TBC1D12: variants seen among roughly 807,000 people sequenced by gnomAD.
TBC1D12 encodes the protein TBC1 domain family member 12.
A neutral mutation model predicts 86.7 loss-of-function variants in TBC1D12; 56 were observed. That is an observed-to-expected ratio of 0.65 (90% CI 0.52 to 0.81). TBC1D12 has a LOEUF of 0.81. Among genes scored for constraint, TBC1D12 ranks in the 30% least tolerant of loss-of-function variants. The pLI, the probability that TBC1D12 is intolerant of heterozygous loss-of-function variation, is 0.00. For synonymous variants in TBC1D12, 421 were observed against 411.7 expected, an observed-to-expected ratio of 1.02 and a Z score of -0.27; for missense variants, 1,023 against 1,038.8, an observed-to-expected ratio of 0.98 and a Z score of 0.21.
intron 6 of TBC1D12, among the ~76,000 whole-genome samples, chr10:94,500,662 C>T (rs1471290142): frequency 1.3e-5 from 2 of 152,076 alleles, no homozygotes; most frequent in African/African-American, 4.8e-5. Flanking sequence ...TATGAAAAGG[C>T]TTCACTTTTA....
intron 4 of TBC1D12, among the ~76,000 whole-genome samples, chr10:94,494,937 C>T (rs543661774): frequency 5.3e-5 from 8 of 152,180 alleles, no homozygotes; most frequent in African/African-American, 1.9e-4. Flanking sequence ...TTATAGCTCA[C>T]TGCAGCCTCG....
Position 94,487,384 on chromosome 10 carries a change from C to G in TBC1D12, c.1212-5981C>G, listed in dbSNP as rs566471015. ...TGTTTTCTGTTTGTTATGTGGTCTT[C>G]TCTTCTTTCGTTCCTTCCAGTCTTT... On this transcript the variant is annotated intron_variant, in intron 3 of 12. Transcript: ENST00000225235. Among the ~76,000 whole-genome samples the G allele has an allele frequency of 5.5e-4, 82 of 150,330 alleles. No homozygotes were observed. The South Asian group carries it at 9.0e-3, about 17-fold the overall frequency.
Position 94,403,338 on chromosome 10 carries a change from G to A in TBC1D12, c.725G>A (p.Gly242Asp). ...GAGCAGCGGGGAGTCGGCGCCGGGG[G>A]TCCCGAGGAGGGCGCGCCCCCTGCC... is the stretch of plus-strand genomic sequence containing the variant. ...DSEQRGVGAG[G>D]PEEGAPPATS... is the part of the protein sequence containing the mutation. The change falls in exon 1 of 13, where the codon GGT (glycine) becomes GAT (aspartate). Residue 242 changes from glycine to aspartate, a missense_variant. Coordinates refer to ENST00000225235, the MANE Select transcript of TBC1D12 (RefSeq NM_015188.2). 2 of 1,522,066 alleles carry A rather than the reference G, an allele frequency of 1.3e-6. No homozygotes were observed. Among genetic ancestry groups the A allele is most frequent in the African/African-American group, 1.4e-5 (1 of 69,654 alleles). The allele number at this position is 1,522,066 out of a possible 1,614,324, so 94.3% of individuals were successfully genotyped here.
chr10:94,511,738 C>T, intron 9 of TBC1D12, 84 bp downstream of exon 9: 1 of 919,916 alleles, frequency 1.1e-6, no homozygotes, highest in Non-Finnish European at 1.7e-6. Context: ...GTATTAGCTC[C>T]CAAATGTCTG....
chr10:94,456,670 T>A (rs1019855020), intron 2 of TBC1D12, among the ~76,000 whole-genome samples: 15 of 152,246 alleles, frequency 9.9e-5, no homozygotes, highest in Non-Finnish European at 2.2e-4. Flanking sequence ...AGTCTACAGA[T>A]GTCAATTACA....
Position 94,536,311 on chromosome 10 carries a change from C to CT in TBC1D12, c.*3216dup, listed in dbSNP as rs1314245758. Among the ~76,000 whole-genome samples the CT allele has an allele frequency of 6.6e-6, 1 of 151,904 alleles. No individual in the cohort carries two copies. The highest frequency in any genetic ancestry group is 2.4e-5 in the African/African-American group (1 of 41,350). On this transcript the variant is annotated 3_prime_UTR_variant, in exon 13 of 13. Coordinates refer to ENST00000225235, the MANE Select transcript of TBC1D12 (RefSeq NM_015188.2). ...TACTTAATGTTCCTTTAGTCCAGGT[C>CT]TACAATGCCTTATTTAAATGCTGTT...
intron 1 of TBC1D12, among the ~76,000 whole-genome samples, chr10:94,413,282 G>A (rs2054951415): frequency 1.3e-5 from 2 of 151,974 alleles, no homozygotes; most frequent in Admixed American, 1.3e-4. Flanking sequence ...TTTATTAATG[G>A]GAAAAATCTT....
chr10:94,487,258 TA>T (rs1554944666), intron 3 of TBC1D12, among the ~76,000 whole-genome samples: 32 of 150,408 alleles, frequency 2.1e-4, no homozygotes, highest in African/African-American at 7.9e-4. Flanking sequence ...TTTTTTTTTT[TA>T]AATCTATTCA....
intron 9 of TBC1D12, 100 bp from the exon 10 acceptor site, chr10:94,521,855 A>T: frequency 9.2e-7 from 1 of 1,091,870 alleles, no homozygotes. Flanking sequence ...GGTTAATTCT[A>T]CTTTGTAATG....
chr10:94,403,488 C>A lies in TBC1D12; in HGVS notation c.875C>A (p.Ala292Glu). 6.5e-7 allele frequency: 1 copy of A among 1,541,510 alleles called. No homozygotes were observed. Among genetic ancestry groups the A allele is most frequent in the Non-Finnish European group, 8.7e-7 (1 of 1,144,914 alleles). Reference protein sequence around the residue: ...GQSARDHLPPAGPPVPLPAAE... With the variant: ...GQSARDHLPPEGPPVPLPAAE... The stretch of plus-strand genomic sequence containing the variant: ...AGCGCCCGCGATCACCTGCCCCCGG[C>A]GGGGCCGCCGGTGCCCTTGCCCGCC... Residue 292 changes from alanine (A) to glutamate (E), a missense_variant, in exon 1 of 13, where the codon GCG becomes GAG. Physicochemically the swap from Ala to Glu is moderately radical, Grantham distance 107. Transcript: ENST00000225235.
rs1024186683 is a variant in TBC1D12, at chr10:94,420,007, G to A, written c.971+16423G>A. 1.9e-4 allele frequency among the ~76,000 whole-genome samples: 29 copies of A among 152,162 alleles called. 2 individuals carry two copies. The East Asian group carries it at 4.4e-3, about 23-fold the overall frequency. ...TATAAATCTGTTAAATTTTTTTATC[G>A]CAGTGGAATATATTGCTGTGGACCG... On this transcript the variant is annotated intron_variant, in intron 1 of 12. Coordinates refer to ENST00000225235, the MANE Select transcript of TBC1D12 (RefSeq NM_015188.2).
chr10:94,464,266 C>A (rs971796160), intron 2 of TBC1D12, among the ~76,000 whole-genome samples: 1 of 152,032 alleles, frequency 6.6e-6, no homozygotes, highest in Non-Finnish European at 1.5e-5. Context: ...TTTAAATTTA[C>A]CATCTTGCTA....
At chr10:94,510,927 T>G (rs987151586) in intron 8 of TBC1D12, among the ~76,000 whole-genome samples, 1 of 151,892 alleles carries the variant, frequency 6.6e-6, no homozygotes, top group Non-Finnish European at 1.5e-5. Context: ...AGCTTGATGG[T>G]TTTTTTTCTG....
intron 1 of TBC1D12, among the ~76,000 whole-genome samples, chr10:94,404,571 G>T (rs2054824593): frequency 6.6e-6 from 1 of 151,708 alleles, no homozygotes; most frequent in Admixed American, 6.6e-5. Context: ...ACTTGAACCT[G>T]GGAGGTAGAG....
At chr10:94,531,527 G>C in intron 12 of TBC1D12, 67 bp downstream of exon 12, 3 of 1,454,244 alleles carry the variant, frequency 2.1e-6, no homozygotes, top group Non-Finnish European at 2.7e-6. Context: ...AAAAAGTTAG[G>C]TATTTCTTAA....
At chr10:94,490,844 A>G (rs1433082253) in intron 3 of TBC1D12, among the ~76,000 whole-genome samples, 1 of 151,822 alleles carries the variant, frequency 6.6e-6, no homozygotes, top group Non-Finnish European at 1.5e-5. Flanking sequence ...GTCTTGTGTG[A>G]ACTTTAAGAA....
At chr10:94,438,649 G>A (rs1409895658) in intron 1 of TBC1D12, among the ~76,000 whole-genome samples, 1 of 152,064 alleles carries the variant, frequency 6.6e-6, no homozygotes, top group Non-Finnish European at 1.5e-5. Context: ...GAGGAATAGG[G>A]GAAGGTAATT....
At chr10:94,452,268 A>T (rs1212791656) in intron 2 of TBC1D12, among the ~76,000 whole-genome samples, 1 of 152,074 alleles carries the variant, frequency 6.6e-6, no homozygotes, top group Non-Finnish European at 1.5e-5. Context: ...ATTTTTTACA[A>T]CCAATGAACT....
At chr10:94,478,007 A>G (rs1249591300) in intron 3 of TBC1D12, among the ~76,000 whole-genome samples, 1 of 152,232 alleles carries the variant, frequency 6.6e-6, no homozygotes, top group Non-Finnish European at 1.5e-5. Flanking sequence ...GGAGCTAGGC[A>G]TGGTGGCTCA....
Sources: gnomAD v4.1 joint callset for allele counts (sites outside exome capture counted in the v4.1 genomes callset) on GRCh38, gnomAD v4.1.1 for gene constraint, MANE v1.5 for transcripts, NCBI Gene and HGNC (gene_info 2026-07-23, HGNC 2026-07-21) for gene names.